Variants in TTC39B observed in about 807,000 individuals in gnomAD.
TTC39B encodes tetratricopeptide repeat protein 39B.
TTC39B carries 92 observed loss-of-function variants against 96.6 expected under a neutral mutation model. The observed-to-expected ratio is 0.95, with a 90% CI of 0.80 to 1.13. The LOEUF (loss-of-function observed/expected upper bound fraction) is 1.13, where lower values mean the gene tolerates loss of function less well. Among genes scored for constraint, TTC39B ranks in the 50% most tolerant of loss-of-function variants. TTC39B has a pLI of 0.00. For missense variants in TTC39B, 955 were observed against 809.3 expected (o/e 1.18, Z -2.18); for synonymous variants, 367 against 299.4 (o/e 1.23, Z -2.33).
intron 13 of TTC39B, 67 bp downstream of exon 13, chr9:15,189,507 C>A: frequency 6.6e-7 from 1 of 1,526,528 alleles, no homozygotes; most frequent in South Asian, 1.1e-5. Flanking sequence ...ATAAGTAGGT[C>A]ACAGCGACTC....
exon 20 of TTC39B, chr9:15,167,007 TATATATATATATATATA>T (rs1335766035): frequency 3.1e-3 from 23 of 7,376 alleles, no homozygotes; most frequent in African/African-American, 7.9e-3. Context: ...TATATATATA[TATATATATATATATATA>T]TATATTTTTT....
chr9:15,231,262 C>A (rs930957701), intron 2 of TTC39B, among the ~76,000 whole-genome samples: 1 of 152,054 alleles, frequency 6.6e-6, no homozygotes, highest in Non-Finnish European at 1.5e-5. Context: ...ATCCTCCTAC[C>A]CCAGCCTCCC....
intron 1 of TTC39B, among the ~76,000 whole-genome samples, chr9:15,295,354 G>A (rs773133645): frequency 2.6e-5 from 4 of 152,168 alleles, no homozygotes; most frequent in Non-Finnish European, 5.9e-5. Flanking sequence ...GAGGTGGGCA[G>A]GCTGCATTTA....
chr9:15,241,508 CT>C (rs1031456234), intron 2 of TTC39B, among the ~76,000 whole-genome samples: 1 of 151,888 alleles, frequency 6.6e-6, no homozygotes, highest in Non-Finnish European at 1.5e-5. Context: ...AAGATGATAC[CT>C]GAGTGAGAAT....
intron 3 of TTC39B, among the ~76,000 whole-genome samples, chr9:15,220,740 C>T (rs1159429218): frequency 6.6e-6 from 1 of 151,864 alleles, no homozygotes; most frequent in Non-Finnish European, 1.5e-5. Flanking sequence ...TTTGTATAAC[C>T]AGTTCCCCTA....
intron 2 of TTC39B, among the ~76,000 whole-genome samples, chr9:15,243,969 C>T (rs540611682): frequency 6.6e-6 from 1 of 152,262 alleles, no homozygotes; most frequent in South Asian, 2.1e-4. Flanking sequence ...TCTCTTTCAG[C>T]AAAAGAAACT....
At chr9:15,269,797 G>A (rs1001094455) in intron 1 of TTC39B, among the ~76,000 whole-genome samples, 2 of 149,498 alleles carry the variant, frequency 1.3e-5, no homozygotes, top group African/African-American at 4.9e-5. Flanking sequence ...GGACGTTACA[G>A]TGAGCCGAGA....
chr9:15,173,730 C>T (rs1008764715), intron 19 of TTC39B, among the ~76,000 whole-genome samples: 8 of 152,160 alleles, frequency 5.3e-5, no homozygotes, highest in Admixed American at 5.2e-4. Flanking sequence ...ATATTACTGT[C>T]TCTGTGCTGT....
intron 4 of TTC39B, among the ~76,000 whole-genome samples, chr9:15,213,546 T>C (rs1391511751): frequency 2.0e-5 from 3 of 152,170 alleles, no homozygotes. Context: ...ATCTTGGAAA[T>C]TATCATATGA....
chr9:15,198,076 G>A (rs1819278802), intron 8 of TTC39B, among the ~76,000 whole-genome samples: 1 of 152,138 alleles, frequency 6.6e-6, no homozygotes, highest in African/African-American at 2.4e-5. Context: ...GGTAAAGAGA[G>A]AAGACTACAA....
chr9:15,232,840 C>G (rs536963837), intron 2 of TTC39B, among the ~76,000 whole-genome samples: 1 of 152,310 alleles, frequency 6.6e-6, no homozygotes, highest in East Asian at 1.9e-4. Flanking sequence ...GGCCGCCTAA[C>G]GTTCTGCCAC....
At chr9:15,273,874 TC>T (rs1042574669) in intron 1 of TTC39B, among the ~76,000 whole-genome samples, 9 of 152,190 alleles carry the variant, frequency 5.9e-5, no homozygotes, top group African/African-American at 1.9e-4. Flanking sequence ...TGCCCCAACT[TC>T]CCCCCAGGAC....
intron 1 of TTC39B, among the ~76,000 whole-genome samples, chr9:15,302,300 T>A (rs989490427): frequency 6.8e-6 from 1 of 147,112 alleles, no homozygotes; most frequent in African/African-American, 2.5e-5. Context: ...CACTCCAGCT[T>A]GGGTGACCAA....
chr9:15,189,532 A>C, intron 13 of TTC39B, 42 bp downstream of exon 13: 6 of 1,604,886 alleles, frequency 3.7e-6, no homozygotes, highest in Non-Finnish European at 5.1e-6. Context: ...AGGAGTCGCC[A>C]TACAGACAAC....
Position 15,220,920 on chromosome 9 carries a change from A to C in TTC39B, c.371+4997T>G, listed in dbSNP as rs558864584. 4.1e-4 allele frequency among the ~76,000 whole-genome samples: 63 copies of C among 152,324 alleles called. No homozygotes were observed. In the South Asian group the frequency reaches 0.013, roughly 31 times the overall value. On this transcript the variant is annotated intron_variant, in intron 3 of 19. Transcript: ENST00000512701. ...CGATCTTGTCTGATTTTGGAAGCTA[A>C]GCAAGGTCGAGCCTGGTTAGTACTT...
At chr9:15,168,318 C>G (rs1588824383) in exon 20 of TTC39B, 1 of 149,684 alleles carries the variant, frequency 6.7e-6, no homozygotes, top group Non-Finnish European at 1.5e-5. Flanking sequence ...CCCAAGGAAT[C>G]ACAAAATCTT....
chr9:15,264,275 T>C (rs556201663), intron 2 of TTC39B, among the ~76,000 whole-genome samples: 2 of 152,304 alleles, frequency 1.3e-5, no homozygotes, highest in African/African-American at 2.4e-5. Flanking sequence ...ATGAGGATTA[T>C]AGTTAATAAG....
intron 3 of TTC39B, among the ~76,000 whole-genome samples, chr9:15,223,394 A>G (rs528178275): frequency 6.6e-6 from 1 of 152,350 alleles, no homozygotes; most frequent in South Asian, 2.1e-4. Flanking sequence ...TGGCTGTTGC[A>G]CTTGGCTATG....
intron 1 of TTC39B, among the ~76,000 whole-genome samples, chr9:15,300,019 G>A (rs1427691030): frequency 6.6e-6 from 1 of 152,194 alleles, no homozygotes; most frequent in Admixed American, 6.5e-5. Context: ...TCAGGAGAAT[G>A]TCTGTTTGTT....
Sources: gnomAD v4.1 joint callset for allele counts (sites outside exome capture counted in the v4.1 genomes callset) on GRCh38, gnomAD v4.1.1 for gene constraint, MANE v1.5 for transcripts, NCBI Gene and HGNC (gene_info 2026-07-23, HGNC 2026-07-21) for gene names.